Variants in RPS6KA5 observed in about 807,000 individuals in gnomAD.
The protein encoded by RPS6KA5 is ribosomal protein S6 kinase A5, also known as ribosomal protein S6 kinase alpha-5.
A neutral mutation model predicts 85.5 loss-of-function variants in RPS6KA5; 27 were observed. The ratio of observed to expected loss-of-function variants is 0.32; its 90% CI spans 0.23 to 0.44. The LOEUF (loss-of-function observed/expected upper bound fraction) is 0.44. Ranked by LOEUF, RPS6KA5 falls within the 20% of genes least tolerant of loss-of-function variation. The pLI is 1.00. For synonymous variants in RPS6KA5, 334 were observed against 348.2 expected, an observed-to-expected ratio of 0.96 and a Z score of 0.46; for missense variants, 811 against 980.9, an observed-to-expected ratio of 0.83 and a Z score of 2.31.
At chr14:90,961,733 C>T (rs1207813075) in intron 3 of RPS6KA5, among the ~76,000 whole-genome samples, 2 of 151,976 alleles carry the variant, frequency 1.3e-5, no homozygotes, top group Middle Eastern at 3.4e-3. Context: ...CTAAAATTAT[C>T]GCTCATAGAT....
At chr14:90,880,095 G>C (rs530872329) in intron 14 of RPS6KA5, among the ~76,000 whole-genome samples, 1 of 152,084 alleles carries the variant, frequency 6.6e-6, no homozygotes, top group South Asian at 2.1e-4. Context: ...CACCATGCCT[G>C]GCCACCACTC....
At chr14:91,022,177 C>T (rs2041814127) in intron 1 of RPS6KA5, among the ~76,000 whole-genome samples, 1 of 152,148 alleles carries the variant, frequency 6.6e-6, no homozygotes, top group Admixed American at 6.5e-5. Flanking sequence ...CTTTTAATTT[C>T]CTCATGCAGG....
At chr14:90,977,776 TG>T (rs2039629996) in intron 3 of RPS6KA5, among the ~76,000 whole-genome samples, 1 of 152,140 alleles carries the variant, frequency 6.6e-6, no homozygotes, top group Non-Finnish European at 1.5e-5. Flanking sequence ...AAGGAAAGGC[TG>T]GAAGTGACAG....
rs1216339602 is a variant in RPS6KA5, at chr14:90,866,418, TG to T, written c.*5655del. 9 of 152,328 alleles carry T rather than the reference TG, an allele frequency of 5.9e-5. No individual in the cohort carries two copies. The highest frequency in any genetic ancestry group is 1.7e-4 in the African/African-American group (7 of 41,418). 9.4% of individuals were successfully genotyped at this position (152,328 alleles called of 1,614,324 possible). A position where few individuals can be genotyped will look rare whatever the true frequency, so the allele number is the denominator to read the frequency against. ...AGGAGGTGGAGGTTGCAGTGAGCTGTGATCACGCCACTGCACTCCGGCCAGG... is the reference window on the plus strand; with the variant it reads ...AGGAGGTGGAGGTTGCAGTGAGCTGTATCACGCCACTGCACTCCGGCCAGG... On this transcript the variant is annotated 3_prime_UTR_variant, in exon 17 of 17. Coordinates refer to ENST00000614987, the MANE Select transcript of RPS6KA5 (RefSeq NM_004755.4).
chr14:91,033,301 G>A (rs1434478139), intron 1 of RPS6KA5, among the ~76,000 whole-genome samples: 1 of 152,138 alleles, frequency 6.6e-6, no homozygotes, highest in Non-Finnish European at 1.5e-5. Context: ...GATTGGAAAA[G>A]ATTTTTTTTA....
At position 90,848,364 on chromosome 14, in the gene RPS6KA5, A is replaced by G. The variant is rs1169995539; in HGVS notation, c.*23710T>C. The stretch of plus-strand genomic sequence containing the variant: ...CCTCCTAAACAATTCCAGAAGAGGG[A>G]AGTTCATTATGAATTAATACTTGGA... On this transcript the variant is annotated 3_prime_UTR_variant, in exon 17 of 17. Coordinates refer to ENST00000614987, the MANE Select transcript of RPS6KA5 (RefSeq NM_004755.4). 6.6e-6 allele frequency: 1 copy of G among 152,206 alleles called. No individual in the cohort carries two copies. The highest frequency in any genetic ancestry group is 1.5e-5 in the Non-Finnish European group (1 of 68,036). 9.4% of individuals were successfully genotyped at this position (152,206 alleles called of 1,614,324 possible).
chr14:90,994,451 C>T (rs1210720642), intron 2 of RPS6KA5, among the ~76,000 whole-genome samples: 1 of 151,356 alleles, frequency 6.6e-6, no homozygotes, highest in Non-Finnish European at 1.5e-5. Flanking sequence ...TAAAAACATA[C>T]ACATTTATAT....
chr14:90,908,489 G>A (rs1050394257), intron 7 of RPS6KA5, among the ~76,000 whole-genome samples: 2 of 152,136 alleles, frequency 1.3e-5, no homozygotes, highest in African/African-American at 4.8e-5. Context: ...CAGAAGATAT[G>A]TGGAAGGAAT....
chr14:90,886,350 T>C (rs922462957), intron 14 of RPS6KA5, among the ~76,000 whole-genome samples: 1 of 152,232 alleles, frequency 6.6e-6, no homozygotes, highest in Middle Eastern at 3.2e-3. Flanking sequence ...GTATGTTATA[T>C]ATCTTATCCT....
chr14:91,049,400 G>A (rs189668204), intron 1 of RPS6KA5, among the ~76,000 whole-genome samples: 1 of 152,084 alleles, frequency 6.6e-6, no homozygotes, highest in African/African-American at 2.4e-5. Context: ...GGATCACAAG[G>A]TCAGGAGATT....
At chr14:90,976,591 C>G (rs2039580568) in intron 3 of RPS6KA5, among the ~76,000 whole-genome samples, 1 of 152,072 alleles carries the variant, frequency 6.6e-6, no homozygotes, top group Non-Finnish European at 1.5e-5. Flanking sequence ...GCTCTGTCAC[C>G]TACAACAGTC....
intron 7 of RPS6KA5, among the ~76,000 whole-genome samples, chr14:90,909,221 C>T (rs777670768): frequency 6.6e-6 from 1 of 152,220 alleles, no homozygotes; most frequent in Non-Finnish European, 1.5e-5. Context: ...GATCCTGCAA[C>T]AAGGGCAGGG....
intron 3 of RPS6KA5, among the ~76,000 whole-genome samples, chr14:90,949,599 A>C (rs930640015): frequency 6.6e-6 from 1 of 152,232 alleles, no homozygotes; most frequent in Non-Finnish European, 1.5e-5. Flanking sequence ...AGGCCAGTCT[A>C]CTATTTAAAA....
At position 90,902,933 on chromosome 14, in the gene RPS6KA5, G is replaced by C. The variant is rs1348316639; in HGVS notation, c.994C>G (p.Pro332Ala). Residue 332 changes from proline to alanine, a missense_variant, in exon 9 of 17, where the codon CCT becomes GCT. By Grantham distance (27) the Pro-to-Ala change is conservative. Transcript: ENST00000614987. ...CGAATGACTGGCTTAAATGGTGCAG[G>C]CACTTTTTTGGCGGCTAAATCATCC... ...NWDDLAAKKV[P>A]APFKPVIRDE... The C allele has an allele frequency of 1.5e-5, 24 of 1,613,124 alleles. No individual in the cohort carries two copies. Among genetic ancestry groups the C allele is most frequent in the Non-Finnish European group, 2.0e-5 (24 of 1,179,580 alleles).
At chr14:91,043,784 G>A (rs1244534786) in intron 1 of RPS6KA5, among the ~76,000 whole-genome samples, 2 of 152,152 alleles carry the variant, frequency 1.3e-5, no homozygotes, top group East Asian at 3.9e-4. Context: ...TGACTTCTAA[G>A]GAGGAATTCT....
chr14:90,923,434 A>ATCCG (rs978556315), intron 5 of RPS6KA5, among the ~76,000 whole-genome samples: 10 of 151,694 alleles, frequency 6.6e-5, no homozygotes, highest in African/African-American at 2.2e-4. Flanking sequence ...ACCATCATCC[A>ATCCG]TCCATCCATC....
chr14:90,942,993 T>C (rs1464820355), intron 5 of RPS6KA5, 85 bp downstream of exon 5: 4 of 818,916 alleles, frequency 4.9e-6, no homozygotes, highest in African/African-American at 3.5e-5. Context: ...ACAGGGCAGT[T>C]TTCTGCTAAA....
At chr14:91,048,068 A>C (rs1361797224) in intron 1 of RPS6KA5, among the ~76,000 whole-genome samples, 1 of 152,068 alleles carries the variant, frequency 6.6e-6, no homozygotes, top group Non-Finnish European at 1.5e-5. Flanking sequence ...GTAAGACAAC[A>C]TGTTTGCGGG....
At position 90,945,237 on chromosome 14, in the gene RPS6KA5, G is replaced by A. The variant is rs116945659; in HGVS notation, c.511-2052C>T. 1.8e-4 allele frequency among the ~76,000 whole-genome samples: 27 copies of A among 152,296 alleles called. No homozygotes were observed. In the East Asian group the frequency reaches 5.0e-3, roughly 28 times the overall value. On this transcript the variant is annotated intron_variant, in intron 4 of 16. Transcript: ENST00000614987. ...ACTGCACTCCAGCCTGGGCAACAGAGTAAGACCCTGTATCAACACAACACA... is the reference window on the plus strand; with the variant it reads ...ACTGCACTCCAGCCTGGGCAACAGAATAAGACCCTGTATCAACACAACACA...
Sources: gnomAD v4.1 joint callset for allele counts (sites outside exome capture counted in the v4.1 genomes callset) on GRCh38, gnomAD v4.1.1 for gene constraint, MANE v1.5 for transcripts, NCBI Gene and HGNC (gene_info 2026-07-23, HGNC 2026-07-21) for gene names.